Variants in UBR1 observed in about 807,000 individuals in gnomAD.
The protein encoded by UBR1 is E3 ubiquitin-protein ligase UBR1.
UBR1 carries 102 observed loss-of-function variants against 242.1 expected under a neutral mutation model. That is an observed-to-expected ratio of 0.42 (90% CI 0.36 to 0.50). The LOEUF is 0.50. Ranked by LOEUF, UBR1 falls within the 20% of genes least tolerant of loss-of-function variation. UBR1 has a pLI of 0.01. For missense variants in UBR1, 1,772 were observed against 2,101.8 expected (o/e 0.84, Z 3.07); for synonymous variants, 675 against 684.8 (o/e 0.99, Z 0.22).
intron 31 of UBR1, 54 bp from the exon 32 acceptor site, chr15:43,002,758 T>A: frequency 6.2e-7 from 1 of 1,611,388 alleles, no homozygotes; most frequent in Non-Finnish European, 8.5e-7. Context: ...CATCTCTACA[T>A]GTGTATCTCT....
At chr15:42,991,479 C>T (rs907199812) in intron 33 of UBR1, among the ~76,000 whole-genome samples, 36 of 151,988 alleles carry the variant, frequency 2.4e-4, no homozygotes, top group African/African-American at 8.2e-4. Flanking sequence ...ATTTACTGAA[C>T]TTCTTGAATC....
At chr15:43,003,620 C>T (rs2032760115) in intron 31 of UBR1, among the ~76,000 whole-genome samples, 1 of 152,164 alleles carries the variant, frequency 6.6e-6, no homozygotes, top group Non-Finnish European at 1.5e-5. Context: ...AGAGCAAGCA[C>T]AAAGGAACAG....
chr15:42,967,224 T>TG (rs2032121260), intron 40 of UBR1, among the ~76,000 whole-genome samples: 1 of 148,000 alleles, frequency 6.8e-6, no homozygotes. Flanking sequence ...AACTAGTTTT[T>TG]TTTTTTTTTT....
intron 3 of UBR1, among the ~76,000 whole-genome samples, chr15:43,076,117 GGC>G (rs1379021070): frequency 6.6e-6 from 1 of 151,260 alleles, no homozygotes; most frequent in Non-Finnish European, 1.5e-5. Flanking sequence ...TGCGATTGCA[GGC>G]GCGCGCCGCC....
At chr15:43,084,337 G>A (rs2034007859) in intron 2 of UBR1, among the ~76,000 whole-genome samples, 1 of 151,992 alleles carries the variant, frequency 6.6e-6, no homozygotes, top group Non-Finnish European at 1.5e-5. Context: ...GGAGACATGA[G>A]GTCTGCAAAT....
rs138697670 is a variant in UBR1 at position 42,959,073 on chromosome 15, C to T, written c.4758-983G>A. On this transcript the variant is annotated intron_variant, in intron 43 of 46. Transcript: ENST00000290650. ...CTCGAACTCCTGACCTCAGGTGATC[C>T]GCCCACCTTGGCCTCCCAAAGTGCT... Among the ~76,000 whole-genome samples, 1,457 of 152,240 alleles carry T rather than the reference C, an allele frequency of 9.6e-3. 33 individuals carry two copies. Among genetic ancestry groups the T allele is most frequent in the African/African-American group, 0.034 (1,407 of 41,532 alleles).
At chr15:42,967,292 G>C (rs2032123380) in intron 40 of UBR1, among the ~76,000 whole-genome samples, 1 of 144,542 alleles carries the variant, frequency 6.9e-6, no homozygotes, top group Admixed American at 7.4e-5. Context: ...TGAACTCCTG[G>C]GCTCAAGCAA....
intron 42 of UBR1, among the ~76,000 whole-genome samples, chr15:42,963,367 T>C (rs761433416): frequency 1.3e-4 from 20 of 152,016 alleles, no homozygotes; most frequent in Non-Finnish European, 1.9e-4. Context: ...ATTATAAAAA[T>C]GATAGAAAAT....
intron 44 of UBR1, among the ~76,000 whole-genome samples, chr15:42,955,596 C>G (rs866865139): frequency 6.6e-5 from 10 of 152,122 alleles, no homozygotes; most frequent in African/African-American, 1.7e-4. Flanking sequence ...GATATGATGC[C>G]TCCTGAGTAT....
chr15:43,065,535 A>T (rs1596126936), intron 6 of UBR1, among the ~76,000 whole-genome samples: 1 of 152,134 alleles, frequency 6.6e-6, no homozygotes, highest in South Asian at 2.1e-4. Context: ...CAGGCCCCAG[A>T]GTGTGTTGTT....
chr15:42,951,611 A>C (rs117350263), intron 45 of UBR1, among the ~76,000 whole-genome samples: 4 of 152,200 alleles, frequency 2.6e-5, no homozygotes, highest in Admixed American at 6.5e-5. Context: ...ATCACAGGAC[A>C]ATCTAAAGTA....
At chr15:43,046,078 G>A (rs1225206414) in intron 14 of UBR1, among the ~76,000 whole-genome samples, 1 of 152,176 alleles carries the variant, frequency 6.6e-6, no homozygotes, top group Non-Finnish European at 1.5e-5. Flanking sequence ...AGAAGTGTTA[G>A]GAGCTATAAG....
chr15:43,008,388 G>A (rs2032866507), intron 29 of UBR1, among the ~76,000 whole-genome samples: 1 of 152,276 alleles, frequency 6.6e-6, no homozygotes, highest in Non-Finnish European at 1.5e-5. Context: ...CCCCGGCCAG[G>A]TGTGTGCACA....
chr15:43,007,055 G>C, intron 30 of UBR1, 24 bp downstream of exon 30: 1 of 1,609,016 alleles, frequency 6.2e-7, no homozygotes, highest in South Asian at 1.1e-5. Context: ...ATGCACAAAA[G>C]GATATTTATT....
At chr15:42,986,123 C>T (rs750115439) in intron 35 of UBR1, among the ~76,000 whole-genome samples, 11 of 151,672 alleles carry the variant, frequency 7.3e-5, no homozygotes, top group African/African-American at 2.2e-4. Context: ...GCAGCAGATA[C>T]GAGTGTGGAA....
At chr15:43,004,064 A>T in intron 30 of UBR1, 134 bp from the exon 31 acceptor site, 2 of 777,644 alleles carry the variant, frequency 2.6e-6, no homozygotes, top group Non-Finnish European at 4.5e-6. Flanking sequence ...TAACAAAAAG[A>T]GAAAAGTAAT....
intron 11 of UBR1, among the ~76,000 whole-genome samples, chr15:43,055,626 G>A (rs769034311): frequency 1.4e-4 from 21 of 152,022 alleles, no homozygotes; most frequent in Non-Finnish European, 3.1e-4. Context: ...GACAAGAAAA[G>A]AAGTAGGGCT....
chr15:43,053,329 C>T (rs1427869509), intron 12 of UBR1, among the ~76,000 whole-genome samples: 1 of 152,152 alleles, frequency 6.6e-6, no homozygotes, highest in Non-Finnish European at 1.5e-5. Context: ...AGTGATTATG[C>T]ACCACTTAAC....
Position 43,085,852 on chromosome 15 carries a change from G to A in UBR1, c.338+132C>T. On this transcript the variant is annotated intron_variant, in intron 2 of 46. Transcript: ENST00000290650. The stretch of plus-strand genomic sequence containing the variant: ...AATTGCTTGAACCTGGGAGGCAGAG[G>A]TTGCAGTGACGTGACCGGAGATCGC... The A allele has an allele frequency of 6.2e-6, 6 of 968,870 alleles. No homozygotes were observed. The East Asian group carries it at 8.2e-5, about 13-fold the overall frequency. 60.0% of individuals were successfully genotyped at this position (968,870 alleles called of 1,614,324 possible).
Sources: gnomAD v4.1 joint callset for allele counts (sites outside exome capture counted in the v4.1 genomes callset) on GRCh38, gnomAD v4.1.1 for gene constraint, MANE v1.5 for transcripts, NCBI Gene and HGNC (gene_info 2026-07-23, HGNC 2026-07-21) for gene names.